Variants in CD46 observed in about 807,000 individuals in gnomAD.
The protein encoded by CD46 is CD46 molecule.
Under a neutral mutation model 53.3 loss-of-function variants are expected in CD46, and 30 were observed. The observed-to-expected ratio is 0.56, with a 90% confidence interval of 0.42 to 0.76. The LOEUF (loss-of-function observed/expected upper bound fraction) is 0.76. Ranked by LOEUF, CD46 falls within the 30% of genes least tolerant of loss-of-function variation. The probability of loss-of-function intolerance (pLI) is 0.00; values close to 1 mark genes in which losing one functional copy is unlikely to be tolerated. For synonymous variants in CD46, 142 were observed against 152.0 expected (o/e 0.93, Z 0.48); for missense variants, 409 against 463.0 (o/e 0.88, Z 1.07).
Position 207,761,233 on chromosome 1 carries a change from T to A in CD46, c.476-16T>A. ...AATCTTTTACATTTCCTTTCCTCTTTTTCTTCATTTTTAAGAGGTTTTGTG... is the reference window on the plus strand; with the variant it reads ...AATCTTTTACATTTCCTTTCCTCTTATTCTTCATTTTTAAGAGGTTTTGTG... On this transcript the variant is annotated splice_polypyrimidine_tract_variant and intron_variant, in intron 4 of 12. Transcript: ENST00000367042. The A allele has an allele frequency of 6.5e-7, 1 of 1,532,998 alleles. No individual in the cohort carries two copies. The highest frequency in any genetic ancestry group is 9.0e-7 in the Non-Finnish European group (1 of 1,108,956). 95.0% of individuals were successfully genotyped at this position (1,532,998 alleles called of 1,614,324 possible). A position where few individuals can be genotyped will look rare whatever the true frequency, so the allele number is the denominator to read the frequency against.
rs35546891 is a variant in CD46 at position 207,782,640 on chromosome 1, C to CTTTTTTTTT, written c.944-634_944-626dup. Among the ~76,000 whole-genome samples the CTTTTTTTTT allele has an allele frequency of 1.4e-4, 9 of 62,606 alleles. 1 individual carries two copies. Among genetic ancestry groups the CTTTTTTTTT allele is most frequent in the African/African-American group, 6.3e-4 (9 of 14,252 alleles). 41.1% of individuals were successfully genotyped at this position (62,606 alleles called of 152,430 possible). On this transcript the variant is annotated intron_variant, in intron 8 of 12. Transcript: ENST00000367042. ...AAAGCATTTATTTTTATTAATCCCT[C>CTTTTTTTTT]TTTTTTTTTTTTTTTTTTTTTTTTT...
At chr1:207,760,927 T>C in intron 4 of CD46, 2 of 351,710 alleles carry the variant, frequency 5.7e-6, no homozygotes, top group Non-Finnish European at 1.1e-5. Context: ...ACCCCCATGA[T>C]TCAGACCCCT....
At chr1:207,779,737 G>T (rs189431477) in intron 8 of CD46, among the ~76,000 whole-genome samples, 4 of 151,670 alleles carry the variant, frequency 2.6e-5, no homozygotes, top group Non-Finnish European at 5.9e-5. Context: ...GTTCCACCTC[G>T]CCCCACCCCA....
intron 1 of CD46, among the ~76,000 whole-genome samples, chr1:207,756,384 G>GA (rs1558043259): frequency 6.6e-6 from 1 of 152,182 alleles, no homozygotes; most frequent in Non-Finnish European, 1.5e-5. Flanking sequence ...AGGGCAACTT[G>GA]AGCCTTTTGT....
At chr1:207,770,287 T>TG in intron 7 of CD46, 34 bp from the exon 8 acceptor site, 1 of 1,484,238 alleles carries the variant, frequency 6.7e-7, no homozygotes, top group Non-Finnish European at 9.4e-7. Context: ...GATAAGGCCC[T>TG]GGTGAATTTA....
In CD46 at chr1:207,752,276, G is replaced by C; in HGVS notation, c.64G>C (p.Ala22Pro). 6.2e-7 allele frequency: 1 copy of C among 1,614,156 alleles called. No individual in the cohort carries two copies. Reference protein sequence around the residue: ...PSWRFPGLLLAAMVLLLYSFS... With the variant: ...PSWRFPGLLLPAMVLLLYSFS... ...CTGGCGCTTTCCTGGGTTGCTTCTG[G>C]CGGCCATGGTGTTGCTGCTGTACTC... Residue 22 changes from alanine to proline, a missense_variant, in exon 1 of 13, where the codon GCG becomes CCG. Coordinates refer to ENST00000367042, the MANE Select transcript of CD46 (RefSeq NM_172351.3). The surrounding 1 kb of genome is among the most constrained non-coding windows in gnomAD (Gnocchi z 4.1).
At chr1:207,767,876 A>G in intron 7 of CD46, 53 bp downstream of exon 7, 1 of 1,370,566 alleles carries the variant, frequency 7.3e-7, no homozygotes, top group South Asian at 1.2e-5. Flanking sequence ...ATTCCTGGTG[A>G]TTTTTTATAA....
intron 2 of CD46, 108 bp from the exon 3 acceptor site, chr1:207,757,432 A>G: frequency 1.2e-6 from 1 of 810,818 alleles, no homozygotes; most frequent in Admixed American, 2.1e-5. Flanking sequence ...ATAAGTAAAT[A>G]ATGAAAATTA....
rs147349767 is a variant in CD46 at position 207,765,685 on chromosome 1, C to A, written c.674-1328C>A. Among the ~76,000 whole-genome samples, 9 of 152,232 alleles carry A rather than the reference C, an allele frequency of 5.9e-5. No individual in the cohort carries two copies. The East Asian group carries it at 1.7e-3, about 29-fold the overall frequency. On this transcript the variant is annotated intron_variant, in intron 5 of 12. Coordinates refer to ENST00000367042, the MANE Select transcript of CD46 (RefSeq NM_172351.3). ...CCAAACTGACAATACCAGGTATTGACAAGGATATGGAGCAGATGAAACTCT... is the reference window on the plus strand; with the variant it reads ...CCAAACTGACAATACCAGGTATTGAAAAGGATATGGAGCAGATGAAACTCT...
intron 8 of CD46, among the ~76,000 whole-genome samples, chr1:207,774,918 T>C (rs1264603889): frequency 6.6e-6 from 1 of 152,226 alleles, no homozygotes; most frequent in African/African-American, 2.4e-5. Context: ...TTCCTGAATT[T>C]GAATGTTGGC....
Position 207,794,698 on chromosome 1 carries a change from G to A in CD46, c.*1221G>A, listed in dbSNP as rs2102730450. 1 of 152,316 alleles carries A rather than the reference G, an allele frequency of 6.6e-6. No individual in the cohort carries two copies. The highest frequency in any genetic ancestry group is 6.5e-5 in the Admixed American group (1 of 15,296). The allele number at this position is 152,316 out of a possible 1,614,324, so 9.4% of individuals were successfully genotyped here. A position where few individuals can be genotyped will look rare whatever the true frequency, so the allele number is the denominator to read the frequency against. On this transcript the variant is annotated 3_prime_UTR_variant, in exon 13 of 13. Coordinates refer to ENST00000367042, the MANE Select transcript of CD46 (RefSeq NM_172351.3). ...TTGCTGTTGATTGTACCAAGGGATG[G>A]AAGAAGTAAATATAGCTCAGGTAGC... is the stretch of plus-strand genomic sequence containing the variant.
chr1:207,753,291 T>C (rs1289909676), intron 1 of CD46, among the ~76,000 whole-genome samples: 1 of 152,254 alleles, frequency 6.6e-6, no homozygotes. Flanking sequence ...TAATCTTGTT[T>C]TCCCCTGCAG....
intron 11 of CD46, among the ~76,000 whole-genome samples, chr1:207,787,686 G>C (rs1014176204): frequency 6.6e-6 from 1 of 152,152 alleles, no homozygotes; most frequent in Non-Finnish European, 1.5e-5. Context: ...AATATAAACT[G>C]CGTGGGAATC....
intron 8 of CD46, among the ~76,000 whole-genome samples, chr1:207,770,871 A>T (rs553882389): frequency 6.6e-6 from 1 of 152,226 alleles, no homozygotes; most frequent in Non-Finnish European, 1.5e-5. Flanking sequence ...ATACGTGTGC[A>T]TGTGTCTTTA....
Position 207,783,317 on chromosome 1 carries a change from A to T in CD46, c.969A>T (p.Ile323=). 2 of 1,536,238 alleles carry T rather than the reference A, an allele frequency of 1.3e-6. 1 individual carries two copies. Among genetic ancestry groups the T allele is most frequent in the South Asian group, 2.2e-5 (2 of 89,176 alleles). ...YPGYPKPEEG[I]LDSLDVWVIA... ...GATATCCTAAACCTGAGGAAGGAAT[A>T]CTTGACAGTTTGGGTTGGTATAGCT... Residue 323 remains isoleucine, a synonymous_variant, in exon 9 of 13, where the codon ATA becomes ATT. Coordinates refer to ENST00000367042, the MANE Select transcript of CD46 (RefSeq NM_172351.3).
chr1:207,760,003 C>T (rs1656002071), intron 4 of CD46: 2 of 303,312 alleles, frequency 6.6e-6, no homozygotes, highest in Admixed American at 4.9e-5. Flanking sequence ...GCCTCAGCCT[C>T]TCCAGTAGCT....
intron 12 of CD46, among the ~76,000 whole-genome samples, chr1:207,792,168 C>G (rs1193953924): frequency 2.6e-5 from 4 of 152,048 alleles, no homozygotes; most frequent in African/African-American, 9.7e-5. Flanking sequence ...CCTAGCTACT[C>G]AGGAGGCTGA....
rs1253573943 is a variant in CD46, at chr1:207,761,533, G to T, written c.673+87G>T. ...TTTCATCTACAGATAAACAAAGCAG[G>T]TGTATGTGCTTCCTCCTCCTGTATA... On this transcript the variant is annotated intron_variant, in intron 5 of 12. Transcript: ENST00000367042. The T allele has an allele frequency of 2.0e-5, 21 of 1,052,624 alleles. No individual in the cohort carries two copies. In the African/African-American group the frequency reaches 3.1e-4, roughly 16 times the overall value. 65.2% of individuals were successfully genotyped at this position (1,052,624 alleles called of 1,614,324 possible). A position where few individuals can be genotyped will look rare whatever the true frequency, so the allele number is the denominator to read the frequency against.
At chr1:207,776,836 A>T (rs1658171212) in intron 8 of CD46, among the ~76,000 whole-genome samples, 1 of 152,170 alleles carries the variant, frequency 6.6e-6, no homozygotes, top group Non-Finnish European at 1.5e-5. Flanking sequence ...GGGTTTTGCC[A>T]TGTTGGCAAG....
Sources: allele counts gnomAD v4.1 joint callset (sites outside exome capture counted in the v4.1 genomes callset), GRCh38; gene constraint gnomAD v4.1.1; non-coding constraint Gnocchi (gnomAD v3.1); transcripts MANE v1.5; gene names NCBI Gene and HGNC (gene_info 2026-07-23, HGNC 2026-07-21).